The following SDHA variants were observed in gnomAD, a reference collection of about 807,000 sequenced individuals.
SDHA encodes the protein succinate dehydrogenase [ubiquinone] flavoprotein subunit, mitochondrial.
Under a neutral mutation model 78.4 loss-of-function variants are expected in SDHA, and 48 were observed. That is an observed-to-expected ratio of 0.61 (90% CI 0.49 to 0.78). The LOEUF (loss-of-function observed/expected upper bound fraction) is 0.78. Ranked by LOEUF, SDHA falls within the 30% of genes least tolerant of loss-of-function variation. The pLI, the probability that SDHA is intolerant of heterozygous loss-of-function variation, is 0.00. For missense variants in SDHA, 680 were observed against 892.7 expected (o/e 0.76, Z 3.04); for synonymous variants, 326 against 353.9 (o/e 0.92, Z 0.88).
At position 251,104 on chromosome 5, in the gene SDHA, G is replaced by A. The variant is rs766667009; in HGVS notation, c.1663+1G>A. On this transcript the variant is annotated splice_donor_variant, in intron 12 of 14. Transcript: ENST00000264932. LOFTEE classifies it high-confidence loss of function. ...AAGCACCTGAAGACGTTCGACCGGG[G>A]TGAGCAGACAGTGGGCTCTGTGCAC... 2.5e-6 allele frequency: 4 copies of A among 1,611,584 alleles called. No individual in the cohort carries two copies. Among genetic ancestry groups the A allele is most frequent in the Non-Finnish European group, 3.4e-6 (4 of 1,179,446 alleles).
chr5:245,962 G>A (rs1445333100), intron 11 of SDHA, among the ~76,000 whole-genome samples: 2 of 152,052 alleles, frequency 1.3e-5, no homozygotes, highest in African/African-American at 4.8e-5. Flanking sequence ...TATGCCATGA[G>A]TAATCTATTT....
chr5:245,061 A>G (rs1736363975), intron 11 of SDHA, among the ~76,000 whole-genome samples: 1 of 152,240 alleles, frequency 6.6e-6, no homozygotes, highest in Admixed American at 6.5e-5. Context: ...CATATAAGCC[A>G]ATTTGGATAG....
chr5:220,045 A>C (rs1734626795), intron 1 of SDHA, among the ~76,000 whole-genome samples: 1 of 152,258 alleles, frequency 6.6e-6, no homozygotes, highest in African/African-American at 2.4e-5. Flanking sequence ...GAAAAAAGAA[A>C]GAAATTCGTG....
intron 11 of SDHA, among the ~76,000 whole-genome samples, chr5:247,510 C>T (rs570685848): frequency 7.2e-5 from 11 of 152,218 alleles, no homozygotes; most frequent in African/African-American, 1.2e-4. Context: ...TACAGCAGTA[C>T]CCGGAAAGAA....
intron 10 of SDHA, 66 bp from the exon 11 acceptor site, chr5:240,292 T>C (rs887284438): frequency 3.0e-6 from 3 of 992,552 alleles, no homozygotes; most frequent in Non-Finnish European, 4.7e-6. Flanking sequence ...TTGTGTGTCA[T>C]TCTAAATCCA....
chr5:250,609 CG>C (rs1736750623), intron 11 of SDHA: 1 of 344,858 alleles, frequency 2.9e-6, no homozygotes, highest in Non-Finnish European at 5.6e-6. Context: ...GCTTGTGTCA[CG>C]TTCACCACCA....
chr5:234,441 A>ACC, intron 8 of SDHA: 1 of 144,412 alleles, frequency 6.9e-6, no homozygotes, highest in Non-Finnish European at 1.5e-5. Context: ...AAAAAAAAAA[A>ACC]AAACAGAGAA....
intron 1 of SDHA, among the ~76,000 whole-genome samples, chr5:221,633 AT>A (rs1360633694): frequency 7.3e-6 from 1 of 137,460 alleles, no homozygotes; most frequent in African/African-American, 3.4e-5. Flanking sequence ...TATGTTCCCC[AT>A]TTTTTTTCTT....
intron 7 of SDHA, among the ~76,000 whole-genome samples, chr5:231,852 C>T (rs1168679452): frequency 5.3e-5 from 8 of 152,162 alleles, no homozygotes; most frequent in Non-Finnish European, 7.4e-5. Context: ...TGACATTGGG[C>T]GCTGGGCTCA....
chr5:258,862 C>T (rs530327370), downstream of SDHA, among the ~76,000 whole-genome samples: 1,575 of 59,708 alleles, frequency 0.026, 178 homozygotes, highest in Non-Finnish European at 0.033. Flanking sequence ...GCTCCTTCTC[C>T]TCTCAGAGCC....
chr5:243,058 A>G (rs1453555391), intron 11 of SDHA, among the ~76,000 whole-genome samples: 1 of 152,086 alleles, frequency 6.6e-6, no homozygotes, highest in Non-Finnish European at 1.5e-5. Flanking sequence ...TGCTCCAGTG[A>G]CTGTCCGAGC....
In SDHA at chr5:233,669, C is replaced by A. The variant is rs753007295; in HGVS notation, c.1064+24C>A. On this transcript the variant is annotated intron_variant, in intron 8 of 14. Coordinates refer to ENST00000264932, the MANE Select transcript of SDHA (RefSeq NM_004168.4). Reference sequence around the variant, plus strand: ...AGGTGCGTGTGATTTACCACCAGCACTGTCTGAGCGGGCACACGGGCCGGG... The same window carrying A: ...AGGTGCGTGTGATTTACCACCAGCAATGTCTGAGCGGGCACACGGGCCGGG... 2.5e-6 allele frequency: 4 copies of A among 1,613,292 alleles called. No homozygotes were observed. In the South Asian group the frequency reaches 4.4e-5, roughly 18 times the overall value.
chr5:227,129 G>A (rs1735079152), intron 5 of SDHA, among the ~76,000 whole-genome samples: 1 of 151,636 alleles, frequency 6.6e-6, no homozygotes, highest in Non-Finnish European at 1.5e-5. Flanking sequence ...TCCTGCCTCA[G>A]CCTCCCGAGT....
At chr5:268,476 T>G in the SDHA span, among the ~76,000 whole-genome samples, 1 of 152,162 alleles carries the variant, frequency 6.6e-6, no homozygotes, top group Non-Finnish European at 1.5e-5. Context: ...AGGGTGTTTT[T>G]TCTTTAAACC....
At chr5:228,800 A>T (rs971773432) in intron 6 of SDHA, among the ~76,000 whole-genome samples, 3 of 152,192 alleles carry the variant, frequency 2.0e-5, no homozygotes, top group African/African-American at 7.2e-5. Flanking sequence ...CAGTACAGCC[A>T]AACAAAAAAT....
At chr5:259,452 G>A (rs377197721), downstream of SDHA, among the ~76,000 whole-genome samples, 18 of 40,018 alleles carry the variant, frequency 4.5e-4, no homozygotes, top group East Asian at 7.7e-3. Flanking sequence ...GAGCATTACC[G>A]TGTGAGCTCC....
intron 10 of SDHA, among the ~76,000 whole-genome samples, chr5:239,342 C>T (rs547124430): frequency 5.9e-5 from 9 of 152,288 alleles, no homozygotes; most frequent in Admixed American, 2.6e-4. Flanking sequence ...GCAGGTGGCT[C>T]ACCTGAGGTC....
At position 237,756 on chromosome 5, in the gene SDHA, A is replaced by G. The variant is rs1429605102; in HGVS notation, c.1432+1157A>G. Among the ~76,000 whole-genome samples, 7 of 136,504 alleles carry G rather than the reference A, an allele frequency of 5.1e-5. 1 individual carries two copies. The highest frequency in any genetic ancestry group is 9.0e-5 in the Non-Finnish European group (6 of 66,672). 89.6% of individuals were successfully genotyped at this position (136,504 alleles called of 152,430 possible). On this transcript the variant is annotated intron_variant, in intron 10 of 14. Coordinates refer to ENST00000264932, the MANE Select transcript of SDHA (RefSeq NM_004168.4). Reference sequence around the variant, plus strand: ...AAAACTAGCACGGCTGTAACTTATAAACGTGCCCCCTTTTGTATCTGTAGT... The same window carrying G: ...AAAACTAGCACGGCTGTAACTTATAGACGTGCCCCCTTTTGTATCTGTAGT...
rs554077502 is a variant in SDHA, at chr5:226,928, CAAAAAAA to C, written c.621+894_621+900del. On this transcript the variant is annotated intron_variant, in intron 5 of 14. Coordinates refer to ENST00000264932, the MANE Select transcript of SDHA (RefSeq NM_004168.4). ...TGGGCAACAGAATGAGACTCCATCT[CAAAAAAA>C]AAAAAAAAAAAAGAACAAGTATTTT... Among the ~76,000 whole-genome samples, 8 of 82,560 alleles carry C rather than the reference CAAAAAAA, an allele frequency of 9.7e-5. No homozygotes were observed. In the South Asian group the frequency reaches 2.5e-3, roughly 25 times the overall value. 54.2% of individuals were successfully genotyped at this position (82,560 alleles called of 152,430 possible).
Sources: allele counts gnomAD v4.1 joint callset (sites outside exome capture counted in the v4.1 genomes callset), GRCh38; gene constraint gnomAD v4.1.1; transcripts MANE v1.5; gene names NCBI Gene and HGNC (gene_info 2026-07-23, HGNC 2026-07-21).